The following CDH3 variants were observed in gnomAD, a reference collection of about 807,000 sequenced individuals.
CDH3 encodes the protein cadherin-3.
A neutral mutation model predicts 82.0 loss-of-function variants in CDH3; 54 were observed. That is an observed-to-expected ratio of 0.66 (90% CI 0.53 to 0.83). The LOEUF (loss-of-function observed/expected upper bound fraction) is 0.83, where lower values mean the gene tolerates loss of function less well. CDH3 is among the 40% of genes least tolerant of loss of function. The pLI is 0.00. For missense variants in CDH3, 1,054 were observed against 1,084.6 expected, an observed-to-expected ratio of 0.97 and a Z score of 0.40; for synonymous variants, 446 against 437.9, an observed-to-expected ratio of 1.02 and a Z score of -0.23.
In CDH3 at chr16:68,698,275, G is replaced by T. The variant is rs775074404; in HGVS notation, c.2365G>T (p.Ala789Ser). ...VFDYEGSGSD[A>S]ASLSSLTSSA... is the part of the protein sequence containing the mutation. ...CGACTATGAGGGCAGCGGCTCCGAC[G>T]CCGCGTCCCTGAGCTCCCTCACCTC... Residue 789 changes from alanine to serine, a missense_variant, in exon 16 of 16, where the codon GCC becomes TCC. Ala to Ser is a moderately conservative substitution (Grantham distance 99). Transcript: ENST00000264012. The T allele has an allele frequency of 1.9e-6, 3 of 1,614,114 alleles. No individual in the cohort carries two copies. The African/African-American group carries it at 4.0e-5, about 22-fold the overall frequency.
At chr16:68,673,421 A>T (rs1567445442) in intron 2 of CDH3, among the ~76,000 whole-genome samples, 1 of 151,598 alleles carries the variant, frequency 6.6e-6, no homozygotes, top group Non-Finnish European at 1.5e-5. Flanking sequence ...CTCATTAGGC[A>T]TTAGGTAGTA....
At chr16:68,716,902 T>C (rs1301644500) in intron 1 of CDH3, among the ~76,000 whole-genome samples, 2 of 151,206 alleles carry the variant, frequency 1.3e-5, no homozygotes, top group East Asian at 1.9e-4. Context: ...TTTCTTTTTT[T>C]TTTTTTTTTA....
intron 2 of CDH3, chr16:68,651,065 C>T (rs1275394610): frequency 2.3e-6 from 1 of 433,534 alleles, no homozygotes; most frequent in South Asian, 2.5e-5. Context: ...GGGGGATATT[C>T]AGGGGCCTTC....
chr16:68,700,541 C>G (rs538770491), downstream of CDH3, among the ~76,000 whole-genome samples: 1 of 152,200 alleles, frequency 6.6e-6, no homozygotes, highest in Non-Finnish European at 1.5e-5. Context: ...CCATGGCTCA[C>G]GCCTGTAATT....
downstream of CDH3, among the ~76,000 whole-genome samples, chr16:68,728,379 A>G (rs1266286199): frequency 6.6e-6 from 1 of 151,548 alleles, no homozygotes; most frequent in East Asian, 1.9e-4. Flanking sequence ...GTTAGCCAGG[A>G]TGGTCTCGAT....
chr16:68,714,386 C>G (rs752615976), intron 1 of CDH3, among the ~76,000 whole-genome samples: 4 of 152,204 alleles, frequency 2.6e-5, no homozygotes, highest in Non-Finnish European at 4.4e-5. Flanking sequence ...TGAATTCCAT[C>G]ACCACATTCC....
rs189163265 is a variant in CDH3, at chr16:68,675,899, C to T, written c.161-486C>T. ...CCAGCTGGTGAATGGTGGTTACTAA[C>T]TCGGAGTGCTTGTTTAAAGAGTAGC... On this transcript the variant is annotated intron_variant, in intron 2 of 15. Transcript: ENST00000264012. Among the ~76,000 whole-genome samples the T allele has an allele frequency of 9.9e-5, 15 of 152,128 alleles. No homozygotes were observed. In the East Asian group the frequency reaches 2.9e-3, roughly 29 times the overall value.
At chr16:68,654,713 A>AAAAAATAT (rs113117523) in intron 2 of CDH3, among the ~76,000 whole-genome samples, 3 of 91,128 alleles carry the variant, frequency 3.3e-5, no homozygotes, top group African/African-American at 1.3e-4. Flanking sequence ...AAAAAAAAAA[A>AAAAAATAT]ATATATATAT....
At chr16:68,716,224 A>G (rs1337594823) in intron 1 of CDH3, among the ~76,000 whole-genome samples, 2 of 152,002 alleles carry the variant, frequency 1.3e-5, no homozygotes, top group Non-Finnish European at 2.9e-5. Context: ...GAGAAAAAAA[A>G]AAAAAAGACT....
At chr16:68,694,340 G>A (rs1212895983) in intron 13 of CDH3, among the ~76,000 whole-genome samples, 33 of 148,546 alleles carry the variant, frequency 2.2e-4, no homozygotes, top group Admixed American at 1.6e-3. Context: ...AAAAAATTCC[G>A]GCCAGGCGCA....
chr16:68,661,424 T>C (rs1041082377), intron 2 of CDH3, among the ~76,000 whole-genome samples: 1 of 152,186 alleles, frequency 6.6e-6, no homozygotes, highest in Non-Finnish European at 1.5e-5. Flanking sequence ...TAAATGAGTT[T>C]GTGTATGAAA....
At chr16:68,719,971 T>C (rs111712061) in intron 1 of CDH3, among the ~76,000 whole-genome samples, 19 of 151,924 alleles carry the variant, frequency 1.3e-4, no homozygotes, top group Admixed American at 8.5e-4. Flanking sequence ...CTGGGCAACA[T>C]AGTGAAACCT....
At chr16:68,674,430 C>T (rs1960975030) in intron 2 of CDH3, among the ~76,000 whole-genome samples, 1 of 152,004 alleles carries the variant, frequency 6.6e-6, no homozygotes, top group East Asian at 1.9e-4. Context: ...GGATATTAAT[C>T]GTTTAGGATT....
At chr16:68,645,537 A>T (rs1211104929) in intron 1 of CDH3, 99 bp from the exon 2 acceptor site, 1 of 1,457,366 alleles carries the variant, frequency 6.9e-7, no homozygotes, top group Admixed American at 2.0e-5. Context: ...CCTGGGGCCA[A>T]GGGAGTCCCG....
At chr16:68,672,201 A>ATAAAT (rs556435310) in intron 2 of CDH3, among the ~76,000 whole-genome samples, 62 of 145,178 alleles carry the variant, frequency 4.3e-4, no homozygotes, top group South Asian at 2.1e-3. Context: ...AAAAAAAAAA[A>ATAAAT]AAATAAATAA....
Position 68,645,315 on chromosome 16 carries a change from G to A in CDH3, c.-65G>A, listed in dbSNP as rs1407670909. 2.6e-6 allele frequency: 4 copies of A among 1,543,908 alleles called. No individual in the cohort carries two copies. Among genetic ancestry groups the A allele is most frequent in the Non-Finnish European group, 3.6e-6 (4 of 1,124,058 alleles). ...TCCCGGGGGCTGCGGTGCTCAAAGGGGCAAGAGCTGAGCGGAACACCGGCC... is the reference window on the plus strand; with the variant it reads ...TCCCGGGGGCTGCGGTGCTCAAAGGAGCAAGAGCTGAGCGGAACACCGGCC... On this transcript the variant is annotated 5_prime_UTR_variant, in exon 1 of 16. Coordinates refer to ENST00000264012, the MANE Select transcript of CDH3 (RefSeq NM_001793.6).
chr16:68,667,691 C>A (rs1012236380), intron 2 of CDH3, among the ~76,000 whole-genome samples: 14 of 152,158 alleles, frequency 9.2e-5, no homozygotes, highest in African/African-American at 3.4e-4. Flanking sequence ...AAAAAGCTTT[C>A]TTTTCCCAAT....
the CDH3 span, among the ~76,000 whole-genome samples, chr16:68,733,572 G>A: frequency 1.1e-4 from 17 of 152,238 alleles, no homozygotes; most frequent in Admixed American, 7.2e-4. Context: ...GCGAAATCCC[G>A]TCTCTACTAA....
intron 2 of CDH3, among the ~76,000 whole-genome samples, chr16:68,660,648 A>G (rs1286589315): frequency 6.6e-6 from 1 of 152,194 alleles, no homozygotes; most frequent in Non-Finnish European, 1.5e-5. Context: ...GCATTTATAT[A>G]AAGGATGCAT....
Sources: allele counts gnomAD v4.1 joint callset (sites outside exome capture counted in the v4.1 genomes callset), GRCh38; gene constraint gnomAD v4.1.1; transcripts MANE v1.5; gene names NCBI Gene and HGNC (gene_info 2026-07-23, HGNC 2026-07-21).